GRIN3A: variants seen among roughly 807,000 people sequenced by gnomAD.
GRIN3A encodes glutamate ionotropic receptor NMDA type subunit 3A.
Under a neutral mutation model 92.4 loss-of-function variants are expected in GRIN3A, and 47 were observed. The ratio of observed to expected loss-of-function variants is 0.51; its 90% confidence interval spans 0.40 to 0.65. GRIN3A has a LOEUF of 0.65. Ranked by LOEUF, GRIN3A falls within the 30% of genes least tolerant of loss-of-function variation. The pLI is 0.00. For synonymous variants in GRIN3A, 527 were observed against 540.6 expected, an observed-to-expected ratio of 0.97 and a Z score of 0.35; for missense variants, 1,324 against 1,393.1, an observed-to-expected ratio of 0.95 and a Z score of 0.79.
At chr9:101,687,544 G>A (rs1393947315) in intron 1 of GRIN3A, among the ~76,000 whole-genome samples, 10 of 152,060 alleles carry the variant, frequency 6.6e-5, no homozygotes, top group Non-Finnish European at 1.2e-4. Flanking sequence ...TCTTGGTATT[G>A]CTATTAAGAC....
chr9:101,675,821 C>A (rs1004355281), intron 2 of GRIN3A, among the ~76,000 whole-genome samples: 2 of 151,908 alleles, frequency 1.3e-5, no homozygotes, highest in African/African-American at 2.4e-5. Flanking sequence ...GGTGTACATT[C>A]TCTGTGAAAT....
At chr9:101,636,860 A>T (rs1418257526) in intron 3 of GRIN3A, among the ~76,000 whole-genome samples, 1 of 152,220 alleles carries the variant, frequency 6.6e-6, no homozygotes, top group Non-Finnish European at 1.5e-5. Context: ...GCATCCACGC[A>T]TATTATTTCA....
chr9:101,649,767 G>A (rs1385358118), intron 3 of GRIN3A, among the ~76,000 whole-genome samples: 1 of 151,934 alleles, frequency 6.6e-6, no homozygotes. Context: ...GAAACTTTCT[G>A]TTCTGCCGTT....
At chr9:101,708,190 A>G (rs1308737952) in intron 1 of GRIN3A, among the ~76,000 whole-genome samples, 2 of 152,162 alleles carry the variant, frequency 1.3e-5, no homozygotes, top group African/African-American at 2.4e-5. Context: ...CAGTGAATGA[A>G]CGCTAATAGT....
Position 101,669,961 on chromosome 9 carries a change from C to T in GRIN3A, c.2352+99G>A, listed in dbSNP as rs1387214855. On this transcript the variant is annotated intron_variant, in intron 3 of 8. Transcript: ENST00000361820. The stretch of plus-strand genomic sequence containing the variant: ...TCTATACTTGGCTGAGAGAATATTC[C>T]TGTGTTAGATGGAAGAACATGAGCA... 6.6e-6 allele frequency: 6 copies of T among 915,976 alleles called. 1 individual carries two copies. Among genetic ancestry groups the T allele is most frequent in the Non-Finnish European group, 1.1e-5 (6 of 571,104 alleles). 56.7% of individuals were successfully genotyped at this position (915,976 alleles called of 1,614,324 possible). A position where few individuals can be genotyped will look rare whatever the true frequency, so the allele number is the denominator to read the frequency against.
chr9:101,698,533 G>T (rs989541386), intron 1 of GRIN3A, among the ~76,000 whole-genome samples: 2 of 152,094 alleles, frequency 1.3e-5, no homozygotes, highest in African/African-American at 4.8e-5. Flanking sequence ...TACACCCCTA[G>T]GCTACATAGT....
At chr9:101,711,327 A>T in intron 1 of GRIN3A, among the ~76,000 whole-genome samples, 1 of 152,202 alleles carries the variant, frequency 6.6e-6, no homozygotes, top group Non-Finnish European at 1.5e-5. Context: ...GACCGAAGGG[A>T]TGATTCACAC....
intron 6 of GRIN3A, chr9:101,601,043 A>G (rs1360515259): frequency 6.6e-6 from 1 of 152,260 alleles, no homozygotes; most frequent in Non-Finnish European, 1.5e-5. Flanking sequence ...ATAAGAACTC[A>G]GAGAATTGAG....
At chr9:101,640,329 C>T (rs1290098645) in intron 3 of GRIN3A, among the ~76,000 whole-genome samples, 2 of 152,204 alleles carry the variant, frequency 1.3e-5, no homozygotes, top group Admixed American at 6.5e-5. Flanking sequence ...AGCCAAGCAT[C>T]TGAAGGCAGC....
At chr9:101,663,385 A>G (rs1829200949) in intron 3 of GRIN3A, among the ~76,000 whole-genome samples, 1 of 151,796 alleles carries the variant, frequency 6.6e-6, no homozygotes, top group Non-Finnish European at 1.5e-5. Context: ...TATTTTGCTT[A>G]CTCTTAAATT....
chr9:101,715,824 A>G (rs896355963), intron 1 of GRIN3A, among the ~76,000 whole-genome samples: 2 of 152,214 alleles, frequency 1.3e-5, no homozygotes, highest in Admixed American at 6.5e-5. Context: ...ACAGAAAACA[A>G]TAACCTCCCA....
At chr9:101,736,127 T>G (rs1830202543) in intron 1 of GRIN3A, among the ~76,000 whole-genome samples, 1 of 152,228 alleles carries the variant, frequency 6.6e-6, no homozygotes. Context: ...TACAAATTTT[T>G]CCAGCTGCAA....
intron 1 of GRIN3A, among the ~76,000 whole-genome samples, chr9:101,723,184 C>T (rs1006555789): frequency 3.3e-5 from 5 of 152,150 alleles, no homozygotes; most frequent in Non-Finnish European, 7.3e-5. Flanking sequence ...GCCGCGGACC[C>T]TCGCGGTGAG....
intron 1 of GRIN3A, among the ~76,000 whole-genome samples, chr9:101,730,710 T>A (rs1235848550): frequency 2.0e-5 from 3 of 152,096 alleles, no homozygotes; most frequent in African/African-American, 7.2e-5. Context: ...AGGAAAAAAT[T>A]ATAAAAGAGA....
intron 6 of GRIN3A, chr9:101,592,386 T>C (rs1828041889): frequency 6.6e-6 from 1 of 152,224 alleles, no homozygotes; most frequent in East Asian, 1.9e-4. Flanking sequence ...GAAAGTGGAA[T>C]TGTGCTCCAG....
rs1484063551 is a variant in GRIN3A at position 101,570,129 on chromosome 9, TCTC to T, written c.*3042_*3044del. On this transcript the variant is annotated 3_prime_UTR_variant, in exon 9 of 9. Transcript: ENST00000361820. ...TTTTAAATTTTGGGAGATTCCCCTT[TCTC>T]CTCCACCTGGAAGCATACACACTCT... 2 of 152,122 alleles carry T rather than the reference TCTC, an allele frequency of 1.3e-5. No individual in the cohort carries two copies. The highest frequency in any genetic ancestry group is 2.9e-5 in the Non-Finnish European group (2 of 68,060). 9.4% of individuals were successfully genotyped at this position (152,122 alleles called of 1,614,324 possible). A position where few individuals can be genotyped will look rare whatever the true frequency, so the allele number is the denominator to read the frequency against.
chr9:101,738,392 T>C lies in GRIN3A; in HGVS notation c.-413A>G, dbSNP rs74809564. 0.11 allele frequency: 26,218 copies of C among 243,968 alleles called. 2,602 individuals are homozygous for C. The highest frequency in any genetic ancestry group is 0.29 in the African/African-American group (12,085 of 42,384). The allele number at this position is 243,968 out of a possible 1,614,324, so 15.1% of individuals were successfully genotyped here. On this transcript the variant is annotated 5_prime_UTR_variant, in exon 1 of 9. Transcript: ENST00000361820. ...GCAGTGACAGAGGAGCGACGCGCTC[T>C]CGCCTGGATTCTTTTCCTTTTCTGC... is the stretch of plus-strand genomic sequence containing the variant.
At chr9:101,609,637 G>C (rs1588246636) in intron 6 of GRIN3A, among the ~76,000 whole-genome samples, 2 of 152,166 alleles carry the variant, frequency 1.3e-5, no homozygotes, top group Admixed American at 6.5e-5. Flanking sequence ...GTGTGTCCAG[G>C]TAGAGTTAGG....
chr9:101,595,085 G>T, intron 6 of GRIN3A: 1 of 703,262 alleles, frequency 1.4e-6, no homozygotes, highest in East Asian at 2.7e-5. Context: ...GGGAGGGGCG[G>T]CAGGTCAGAG....
Sources: gnomAD v4.1 joint callset for allele counts (sites outside exome capture counted in the v4.1 genomes callset) on GRCh38, gnomAD v4.1.1 for gene constraint, MANE v1.5 for transcripts, NCBI Gene and HGNC (gene_info 2026-07-23, HGNC 2026-07-21) for gene names.